The following ROBO2 variants were observed in gnomAD, a reference collection of about 807,000 sequenced individuals.
ROBO2 encodes the protein roundabout homolog 2.
Under a neutral mutation model 160.8 loss-of-function variants are expected in ROBO2, and 53 were observed. That is an observed-to-expected ratio of 0.33 (90% CI 0.26 to 0.41). ROBO2 has a LOEUF of 0.41. Among genes scored for constraint, ROBO2 ranks in the 10% least tolerant of loss-of-function variants. The pLI, the probability that ROBO2 is intolerant of heterozygous loss-of-function variation, is 1.00. For synonymous variants in ROBO2, 664 were observed against 611.7 expected, an observed-to-expected ratio of 1.09 and a Z score of -1.26; for missense variants, 1,577 against 1,722.4, an observed-to-expected ratio of 0.92 and a Z score of 1.49.
chr3:76,334,587 G>A (rs1011914897), intron 2 of ROBO2, among the ~76,000 whole-genome samples: 6 of 152,030 alleles, frequency 3.9e-5, no homozygotes, highest in Admixed American at 6.6e-5. Context: ...AAAGGGAAGC[G>A]GGAGCAAGAG....
chr3:76,808,659 G>A (rs1009232224), intron 2 of ROBO2, among the ~76,000 whole-genome samples: 3 of 152,140 alleles, frequency 2.0e-5, no homozygotes, highest in African/African-American at 7.2e-5. Context: ...GATTAAGAAT[G>A]TCTAAAGGGC....
intron 2 of ROBO2, among the ~76,000 whole-genome samples, chr3:76,539,438 C>G (rs1464831471): frequency 1.3e-5 from 2 of 151,552 alleles, no homozygotes; most frequent in Non-Finnish European, 2.9e-5. Context: ...TAGTAGGCCA[C>G]AAAATTCGAG....
In ROBO2 at chr3:77,366,826, G is replaced by A. The variant is rs57424518; in HGVS notation, c.389-110588G>A. ...GAGAGATACAGAGAGAGAAAGAGAGGAGGGAGGTGCCAGGCTCTTTTTAAC... is the reference window on the plus strand; with the variant it reads ...GAGAGATACAGAGAGAGAAAGAGAGAAGGGAGGTGCCAGGCTCTTTTTAAC... On this transcript the variant is annotated intron_variant, in intron 2 of 25. Coordinates refer to ENST00000461745, the Ensembl canonical transcript of ROBO2. Among the ~76,000 whole-genome samples the A allele has an allele frequency of 1.7e-4, 25 of 151,188 alleles. 1 individual carries two copies. The East Asian group carries it at 4.9e-3, about 30-fold the overall frequency.
intron 2 of ROBO2, among the ~76,000 whole-genome samples, chr3:76,059,739 G>A (rs1418271588): frequency 6.6e-6 from 1 of 152,138 alleles, no homozygotes; most frequent in Non-Finnish European, 1.5e-5. Flanking sequence ...CCTATGTCCT[G>A]AATGGTATTG....
chr3:76,935,050 C>A (rs11127570), intron 2 of ROBO2, among the ~76,000 whole-genome samples: 24,765 of 150,976 alleles, frequency 0.16, 2,412 homozygotes, highest in Non-Finnish European at 0.22. Flanking sequence ...CTCCTAGGCT[C>A]AGGCGATCCT....
upstream of ROBO2, among the ~76,000 whole-genome samples, chr3:77,039,726 G>A (rs2063883064): frequency 6.6e-6 from 1 of 151,892 alleles, no homozygotes; most frequent in African/African-American, 2.4e-5. Flanking sequence ...GGCTCCGCGC[G>A]CCCCTCCTCG....
At chr3:76,362,501 C>T (rs1014032172) in intron 2 of ROBO2, among the ~76,000 whole-genome samples, 3 of 151,932 alleles carry the variant, frequency 2.0e-5, no homozygotes, top group African/African-American at 4.8e-5. Flanking sequence ...ACTAATCAGC[C>T]GTGTTAGCTT....
intron 23 of ROBO2, chr3:77,629,417 C>G (rs1278381909): frequency 6.6e-6 from 1 of 151,938 alleles, no homozygotes; most frequent in Non-Finnish European, 1.5e-5. Context: ...CAGACATAGA[C>G]AGGAAACGAA....
intron 2 of ROBO2, among the ~76,000 whole-genome samples, chr3:77,369,094 A>G (rs1460837149): frequency 2.6e-5 from 4 of 152,186 alleles, no homozygotes; most frequent in Non-Finnish European, 4.4e-5. Flanking sequence ...AAGAAAAGCC[A>G]GTTAGAGCAA....
chr3:76,478,713 ACTCT>A (rs2079064245), intron 2 of ROBO2, among the ~76,000 whole-genome samples: 1 of 133,264 alleles, frequency 7.5e-6, no homozygotes, highest in Non-Finnish European at 1.5e-5. Flanking sequence ...AGACATGCTC[ACTCT>A]CTCAGCTCGG....
chr3:77,559,992 CTT>C (rs1465789768), intron 9 of ROBO2, among the ~76,000 whole-genome samples: 1 of 152,088 alleles, frequency 6.6e-6, no homozygotes, highest in Non-Finnish European at 1.5e-5. Context: ...TGCCAACTCT[CTT>C]TGTGTAAACA....
At chr3:76,532,620 A>C (rs1206540548) in intron 2 of ROBO2, among the ~76,000 whole-genome samples, 1 of 152,184 alleles carries the variant, frequency 6.6e-6, no homozygotes, top group African/African-American at 2.4e-5. Context: ...CTCATCTCAA[A>C]TTAGGCAACC....
At chr3:76,973,394 A>C (rs1284179479) in intron 2 of ROBO2, among the ~76,000 whole-genome samples, 1 of 152,144 alleles carries the variant, frequency 6.6e-6, no homozygotes, top group Admixed American at 6.6e-5. Context: ...AAGAAGTATA[A>C]GAAAATGCTT....
At chr3:76,211,013 A>G (rs1474474311) in intron 2 of ROBO2, among the ~76,000 whole-genome samples, 8 of 152,010 alleles carry the variant, frequency 5.3e-5, no homozygotes, top group Admixed American at 3.9e-4. Flanking sequence ...GTTTTAACCA[A>G]TCTTTTGTAA....
At chr3:76,577,169 AAC>A (rs1201247013) in intron 2 of ROBO2, among the ~76,000 whole-genome samples, 1 of 152,128 alleles carries the variant, frequency 6.6e-6, no homozygotes, top group African/African-American at 2.4e-5. Flanking sequence ...TCTTGTACAT[AAC>A]ACACCTTGAT....
At chr3:76,449,335 ATT>A (rs1206980396) in intron 2 of ROBO2, among the ~76,000 whole-genome samples, 1 of 152,110 alleles carries the variant, frequency 6.6e-6, no homozygotes, top group Non-Finnish European at 1.5e-5. Context: ...AGACTAGACC[ATT>A]TTACATACTC....
intron 2 of ROBO2, among the ~76,000 whole-genome samples, chr3:76,510,918 T>A (rs1405814818): frequency 6.6e-6 from 1 of 151,946 alleles, no homozygotes; most frequent in Non-Finnish European, 1.5e-5. Context: ...AACTGAAAAC[T>A]GAAGGGAACA....
intron 8 of ROBO2, 36 bp downstream of exon 9, chr3:77,551,025 A>G (rs897626950): frequency 1.2e-6 from 2 of 1,601,366 alleles, no homozygotes; most frequent in Admixed American, 1.7e-5. Flanking sequence ...TTATGAAAAC[A>G]TTGATTTTTA....
intron 2 of ROBO2, among the ~76,000 whole-genome samples, chr3:76,756,585 G>T (rs930716718): frequency 2.8e-4 from 42 of 151,874 alleles, no homozygotes; most frequent in Admixed American, 2.6e-3. Flanking sequence ...AGTAGACATA[G>T]TTATTGCAAT....
Sources: allele counts gnomAD v4.1 joint callset (sites outside exome capture counted in the v4.1 genomes callset), GRCh38; gene constraint gnomAD v4.1.1; transcripts MANE v1.5; gene names NCBI Gene and HGNC (gene_info 2026-07-23, HGNC 2026-07-21).